OSBPL1A: variants seen among roughly 807,000 people sequenced by gnomAD.
OSBPL1A encodes oxysterol-binding protein-related protein 1.
A neutral mutation model predicts 137.1 loss-of-function variants in OSBPL1A; 80 were observed. The ratio of observed to expected loss-of-function variants is 0.58; its 90% CI spans 0.49 to 0.70. The LOEUF (loss-of-function observed/expected upper bound fraction) is 0.70. Among genes scored for constraint, OSBPL1A ranks in the 30% least tolerant of loss-of-function variants. The probability of loss-of-function intolerance (pLI) is 0.00; values close to 1 mark genes in which losing one functional copy is unlikely to be tolerated. For synonymous variants in OSBPL1A, 365 were observed against 389.7 expected (o/e 0.94, Z 0.75); for missense variants, 970 against 1,129.4 (o/e 0.86, Z 2.02).
chr18:24,180,461 T>TTGTGTG (rs57229701), intron 19 of OSBPL1A, among the ~76,000 whole-genome samples: 3 of 150,140 alleles, frequency 2.0e-5, no homozygotes, highest in Admixed American at 6.6e-5. Flanking sequence ...TTTTTCTATT[T>TTGTGTG]TGTGTGTGTG....
intron 2 of OSBPL1A, among the ~76,000 whole-genome samples, chr18:24,372,087 G>A (rs1313068722): frequency 6.6e-6 from 1 of 151,896 alleles, no homozygotes; most frequent in African/African-American, 2.4e-5. Flanking sequence ...ATGAGCCTGG[G>A]CAAGTAGTGA....
At position 24,382,177 on chromosome 18, in the gene OSBPL1A, G is replaced by A. The variant is rs148957337; in HGVS notation, c.-2-4642C>T. 3.7e-3 allele frequency among the ~76,000 whole-genome samples: 550 copies of A among 149,774 alleles called. 1 individual carries two copies. Among genetic ancestry groups the A allele is most frequent in the Non-Finnish European group, 6.4e-3 (430 of 67,516 alleles). ...GCACTTTGGGAGGCCAAGGCAAGTGGATCACGAGGTCAGGAGTTCGAGACC... is the reference window on the plus strand; with the variant it reads ...GCACTTTGGGAGGCCAAGGCAAGTGAATCACGAGGTCAGGAGTTCGAGACC... On this transcript the variant is annotated intron_variant, in intron 1 of 27. Transcript: ENST00000319481.
chr18:24,209,790 T>A (rs1463168334), intron 17 of OSBPL1A, among the ~76,000 whole-genome samples: 1 of 152,186 alleles, frequency 6.6e-6, no homozygotes, highest in Non-Finnish European at 1.5e-5. Flanking sequence ...ACACGCACTG[T>A]GATTCATTTA....
intron 14 of OSBPL1A, among the ~76,000 whole-genome samples, chr18:24,287,019 A>G (rs113886937): frequency 1.3e-5 from 2 of 152,358 alleles, no homozygotes; most frequent in African/African-American, 4.8e-5. Flanking sequence ...TGGAAAAAAT[A>G]AAATGAATTA....
chr18:24,200,918 T>C (rs528100553), intron 17 of OSBPL1A, among the ~76,000 whole-genome samples: 277 of 152,328 alleles, frequency 1.8e-3, no homozygotes, highest in Non-Finnish European at 2.9e-3. Context: ...TGTTTCCATA[T>C]TTAAAAATTT....
chr18:24,212,550 T>C (rs2087576750), intron 17 of OSBPL1A, among the ~76,000 whole-genome samples: 1 of 152,168 alleles, frequency 6.6e-6, no homozygotes. Context: ...CTCTTAACAT[T>C]TAAATCTGAG....
intron 21 of OSBPL1A, among the ~76,000 whole-genome samples, chr18:24,176,823 G>A (rs1599439108): frequency 6.6e-6 from 1 of 151,710 alleles, no homozygotes; most frequent in African/African-American, 2.4e-5. Context: ...TACCCTTCTG[G>A]GTCATTTCAA....
chr18:24,168,691 G>A (rs2086201778), intron 24 of OSBPL1A, among the ~76,000 whole-genome samples: 2 of 152,318 alleles, frequency 1.3e-5, no homozygotes, highest in Middle Eastern at 3.4e-3. Context: ...TAGCACAGAG[G>A]TGACAACGCT....
At chr18:24,254,405 C>T (rs981843032) in intron 15 of OSBPL1A, among the ~76,000 whole-genome samples, 1 of 152,274 alleles carries the variant, frequency 6.6e-6, no homozygotes, top group Admixed American at 6.5e-5. Flanking sequence ...ACATTCTTTT[C>T]CTCAGTACAT....
At chr18:24,185,085 A>C (rs1218921009) in intron 18 of OSBPL1A, among the ~76,000 whole-genome samples, 2 of 152,242 alleles carry the variant, frequency 1.3e-5, no homozygotes, top group Non-Finnish European at 2.9e-5. Context: ...ATATGATTCC[A>C]ACTGTATGAC....
At position 24,178,215 on chromosome 18, in the gene OSBPL1A, AAAAAAG is replaced by A; in HGVS notation, c.1911-26_1911-21del. 6.6e-7 allele frequency: 1 copy of A among 1,521,502 alleles called. No individual in the cohort carries two copies. The highest frequency in any genetic ancestry group is 8.8e-7 in the Non-Finnish European group (1 of 1,131,534). 94.3% of individuals were successfully genotyped at this position (1,521,502 alleles called of 1,614,324 possible). On this transcript the variant is annotated intron_variant, in intron 20 of 27. Coordinates refer to ENST00000319481, the MANE Select transcript of OSBPL1A (RefSeq NM_080597.4). ...TCATCTCTTAAGATTTAAAAAAAAA[AAAAAAG>A]AAAAAAAAAAGCAACATTATAATTA...
chr18:24,335,050 T>C (rs1459039055), intron 5 of OSBPL1A, among the ~76,000 whole-genome samples: 1 of 152,102 alleles, frequency 6.6e-6, no homozygotes, highest in East Asian at 1.9e-4. Context: ...CCACCACACC[T>C]GGTGAATATT....
At chr18:24,333,654 A>C (rs974896795) in intron 6 of OSBPL1A, among the ~76,000 whole-genome samples, 4 of 152,348 alleles carry the variant, frequency 2.6e-5, no homozygotes, top group Non-Finnish European at 4.4e-5. Flanking sequence ...GCAGTGCTTC[A>C]GTCATGAATT....
intron 4 of OSBPL1A, among the ~76,000 whole-genome samples, chr18:24,362,505 AAAGT>A (rs2091639147): frequency 6.6e-6 from 1 of 152,256 alleles, no homozygotes; most frequent in African/African-American, 2.4e-5. Flanking sequence ...TAACGTATTA[AAAGT>A]TAGTTAAATC....
chr18:24,282,209 C>T (rs2089976482), intron 14 of OSBPL1A, among the ~76,000 whole-genome samples: 2 of 151,250 alleles, frequency 1.3e-5, no homozygotes, highest in South Asian at 4.2e-4. Context: ...AATTAAACAA[C>T]AGGGTAATGT....
At chr18:24,396,064 CA>C (rs1173720399) in intron 1 of OSBPL1A, among the ~76,000 whole-genome samples, 1 of 150,932 alleles carries the variant, frequency 6.6e-6, no homozygotes, top group Non-Finnish European at 1.5e-5. Flanking sequence ...ACTAAAAATA[CA>C]AAAATTAGCC....
chr18:24,383,299 C>T (rs1277734706), intron 1 of OSBPL1A, among the ~76,000 whole-genome samples: 1 of 152,062 alleles, frequency 6.6e-6, no homozygotes. Flanking sequence ...GTTTAATATT[C>T]TTTTCATGCC....
intron 14 of OSBPL1A, among the ~76,000 whole-genome samples, chr18:24,291,304 G>C (rs764784177): frequency 6.6e-6 from 1 of 151,870 alleles, no homozygotes; most frequent in African/African-American, 2.4e-5. Context: ...GTCACTATGG[G>C]GAAAAATAAC....
At chr18:24,346,646 T>C (rs76154233) in intron 4 of OSBPL1A, among the ~76,000 whole-genome samples, 1,819 of 152,344 alleles carry the variant, frequency 0.012, 36 homozygotes, top group African/African-American at 0.04. Context: ...CAGTACTTCA[T>C]TCTCTTGATT....
Sources: gnomAD v4.1 joint callset for allele counts (sites outside exome capture counted in the v4.1 genomes callset) on GRCh38, gnomAD v4.1.1 for gene constraint, MANE v1.5 for transcripts, NCBI Gene and HGNC (gene_info 2026-07-23, HGNC 2026-07-21) for gene names.